MAPT: variants seen among roughly 807,000 people sequenced by gnomAD.
MAPT encodes the protein microtubule-associated protein tau.
MAPT carries 34 observed loss-of-function variants against 67.9 expected under a neutral mutation model. The ratio of observed to expected loss-of-function variants is 0.50; its 90% confidence interval spans 0.38 to 0.67. The LOEUF is 0.67. MAPT is among the 30% of genes least tolerant of loss of function. The pLI, the probability that MAPT is intolerant of heterozygous loss-of-function variation, is 0.00. For missense variants in MAPT, 881 were observed against 1,115.2 expected, an observed-to-expected ratio of 0.79 and a Z score of 2.99; for synonymous variants, 456 against 464.5, an observed-to-expected ratio of 0.98 and a Z score of 0.23.
At chr17:45,955,044 A>G (rs1167503696) in intron 1 of MAPT, among the ~76,000 whole-genome samples, 2 of 152,212 alleles carry the variant, frequency 1.3e-5, no homozygotes, top group Admixed American at 1.3e-4. Flanking sequence ...GGGGCATAGT[A>G]GAACAAATTT....
intron 1 of MAPT, among the ~76,000 whole-genome samples, chr17:45,905,304 C>G (rs2064229952): frequency 6.6e-6 from 1 of 152,192 alleles, no homozygotes; most frequent in African/African-American, 2.4e-5. Flanking sequence ...TTCAGTTCTT[C>G]CTTTAGTGGT....
chr17:45,901,979 A>C (rs1328383760), intron 1 of MAPT, among the ~76,000 whole-genome samples: 1 of 151,412 alleles, frequency 6.6e-6, no homozygotes, highest in Non-Finnish European at 1.5e-5. Context: ...CACCTTTATG[A>C]AGTCTTTCCA....
chr17:45,937,599 GA>G (rs66493031), intron 1 of MAPT, among the ~76,000 whole-genome samples: 26 of 73,540 alleles, frequency 3.5e-4, no homozygotes, highest in African/African-American at 5.9e-4. Flanking sequence ...CTCAAAAAAA[GA>G]AAAAAAAAAA....
intron 1 of MAPT, among the ~76,000 whole-genome samples, chr17:45,920,282 G>A (rs1447798559): frequency 6.6e-6 from 1 of 152,244 alleles, no homozygotes; most frequent in Non-Finnish European, 1.5e-5. Flanking sequence ...CCAGCTGCCT[G>A]GCTGGAGTTG....
Position 45,983,208 on chromosome 17 carries a change from G to A in MAPT, c.629G>A (p.Gly210Asp). Residue 210 changes from glycine to aspartate, a missense_variant, in exon 5 of 13, where the codon GGC becomes GAC. Gly to Asp is a moderately conservative substitution (Grantham distance 94). Coordinates refer to ENST00000262410, the MANE Select transcript of MAPT (RefSeq NM_001377265.1). ...GAAAGTGGTAAGGTGGTCCAGGAAG[G>A]CTTCCTCCGAGAGCCAGGCCCCCCA... Reference protein sequence around the residue: ...EPESGKVVQEGFLREPGPPGL... With the variant: ...EPESGKVVQEDFLREPGPPGL... The A allele has an allele frequency of 6.2e-7, 1 of 1,608,448 alleles. No individual in the cohort carries two copies.
At chr17:45,941,701 G>GCCTTCCTTCCTTCCTGCCTTCCTTCCTT (rs1555690435) in intron 1 of MAPT, among the ~76,000 whole-genome samples, 34 of 73,530 alleles carry the variant, frequency 4.6e-4, no homozygotes, top group Admixed American at 7.9e-4. Context: ...CTTCCTTCCT[G>GCCTTCCTTCCTTCCTGCCTTCCTTCCTT]CCTGCCTTCC....
intron 1 of MAPT, among the ~76,000 whole-genome samples, chr17:45,903,849 T>A (rs1490425059): frequency 2.2e-5 from 1 of 45,028 alleles, no homozygotes; most frequent in Non-Finnish European, 4.4e-5. Context: ...TTTTATATAT[T>A]ATATATTATA....
chr17:45,988,019 G>A (rs1008174709), intron 6 of MAPT, among the ~76,000 whole-genome samples: 2 of 152,222 alleles, frequency 1.3e-5, no homozygotes, highest in African/African-American at 4.8e-5. Flanking sequence ...CAGAGTCTAG[G>A]GAGGGGAAAG....
At chr17:46,002,184 G>A (rs909616031) in intron 9 of MAPT, among the ~76,000 whole-genome samples, 1 of 152,232 alleles carries the variant, frequency 6.6e-6, no homozygotes, top group African/African-American at 2.4e-5. Context: ...TCGCCCGACA[G>A]GACAGAGGGT....
At chr17:45,966,168 C>T (rs2071059806) in intron 2 of MAPT, among the ~76,000 whole-genome samples, 1 of 152,194 alleles carries the variant, frequency 6.6e-6, no homozygotes, top group African/African-American at 2.4e-5. Flanking sequence ...TATGCTGCAA[C>T]AAATGTACCA....
intron 1 of MAPT, among the ~76,000 whole-genome samples, chr17:45,941,463 TC>T (rs946626656): frequency 6.6e-6 from 1 of 151,908 alleles, no homozygotes; most frequent in Non-Finnish European, 1.5e-5. Context: ...GACCCCTCCT[TC>T]CCCCTGCCCC....
At chr17:46,000,827 C>T (rs994059597) in intron 9 of MAPT, among the ~76,000 whole-genome samples, 1 of 152,262 alleles carries the variant, frequency 6.6e-6, no homozygotes, top group Non-Finnish European at 1.5e-5. Context: ...CAGACCCAGC[C>T]AGGCCAGCCC....
intron 12 of MAPT, among the ~76,000 whole-genome samples, chr17:46,020,017 A>C (rs978559103): frequency 1.7e-4 from 23 of 137,744 alleles, no homozygotes; most frequent in East Asian, 2.3e-4. Flanking sequence ...ATCTCACAAA[A>C]AAAAAAAAAA....
At chr17:46,002,327 G>A (rs1190727482) in intron 9 of MAPT, among the ~76,000 whole-genome samples, 1 of 152,160 alleles carries the variant, frequency 6.6e-6, no homozygotes, top group Non-Finnish European at 1.5e-5. Context: ...AGCCCTTCTT[G>A]GGGGGTCGCT....
chr17:45,985,772 C>T (rs2073478502), intron 5 of MAPT: 1 of 977,002 alleles, frequency 1.0e-6, no homozygotes, highest in Non-Finnish European at 1.2e-6. Flanking sequence ...GGGGCTCTTA[C>T]TAAAGTGCAG....
At chr17:45,965,508 C>T (rs1176297792) in intron 2 of MAPT, among the ~76,000 whole-genome samples, 2 of 150,566 alleles carry the variant, frequency 1.3e-5, no homozygotes, top group East Asian at 2.1e-4. Context: ...CTGCGCCTCC[C>T]GGGTGCAAGC....
At chr17:45,930,639 C>A (rs1282189075) in intron 1 of MAPT, among the ~76,000 whole-genome samples, 1 of 152,188 alleles carries the variant, frequency 6.6e-6, no homozygotes, top group Non-Finnish European at 1.5e-5. Flanking sequence ...AATCTTCCAG[C>A]TCCAAAGCTT....
intron 1 of MAPT, among the ~76,000 whole-genome samples, chr17:45,961,586 G>A (rs1385107745): frequency 6.6e-6 from 1 of 152,176 alleles, no homozygotes; most frequent in East Asian, 1.9e-4. Context: ...ACTTCTCCGT[G>A]CCTCACTTTC....
intron 1 of MAPT, among the ~76,000 whole-genome samples, chr17:45,956,437 G>A (rs548830948): frequency 6.6e-6 from 1 of 151,994 alleles, no homozygotes; most frequent in Non-Finnish European, 1.5e-5. Context: ...TAGAACCCAT[G>A]AATTTGGAAT....
Sources: allele counts gnomAD v4.1 joint callset (sites outside exome capture counted in the v4.1 genomes callset), GRCh38; gene constraint gnomAD v4.1.1; transcripts MANE v1.5; gene names NCBI Gene and HGNC (gene_info 2026-07-23, HGNC 2026-07-21).